CYP2C19: variants seen among roughly 807,000 people sequenced by gnomAD.
The protein encoded by CYP2C19 is cytochrome P450 family 2 subfamily C member 19, also known as cytochrome P450 2C19.
Under a neutral mutation model 40.9 loss-of-function variants are expected in CYP2C19, and 59 were observed. The observed-to-expected ratio is 1.44, with a 90% CI of 1.17 to 1.79. The LOEUF is 1.79. CYP2C19 is among the 40% of genes most tolerant of loss of function. The probability of loss-of-function intolerance (pLI) is 0.00; values close to 1 mark genes in which losing one functional copy is unlikely to be tolerated. For missense variants in CYP2C19, 754 were observed against 596.9 expected, an observed-to-expected ratio of 1.26 and a Z score of -2.74; for synonymous variants, 253 against 208.7, an observed-to-expected ratio of 1.21 and a Z score of -1.83.
intron 6 of CYP2C19, among the ~76,000 whole-genome samples, chr10:94,825,915 A>G (rs1436964976): frequency 6.6e-6 from 1 of 151,826 alleles, no homozygotes; most frequent in African/African-American, 2.4e-5. Context: ...TAAATAGGGA[A>G]TCCTTTCTCC....
At chr10:94,847,050 C>T (rs536874562) in intron 7 of CYP2C19, among the ~76,000 whole-genome samples, 1 of 151,144 alleles carries the variant, frequency 6.6e-6, no homozygotes, top group Non-Finnish European at 1.5e-5. Flanking sequence ...TCAACAGAGA[C>T]TTCAACTTTA....
At chr10:94,849,857 T>C (rs1032806499) in intron 7 of CYP2C19, 60 bp from the exon 8 acceptor site, 17 of 1,593,358 alleles carry the variant, frequency 1.1e-5, no homozygotes, top group Non-Finnish European at 1.4e-5. Flanking sequence ...TGATTACCAC[T>C]GTTTCTTAAA....
intron 6 of CYP2C19, among the ~76,000 whole-genome samples, chr10:94,827,788 C>T (rs1266350986): frequency 6.6e-6 from 1 of 152,116 alleles, no homozygotes; most frequent in Non-Finnish European, 1.5e-5. Context: ...CCTGCCTTCT[C>T]TTGTGGGCAT....
Position 94,787,917 on chromosome 10 carries a change from G to A in CYP2C19, c.819+5920G>A, listed in dbSNP as rs145366926. On this transcript the variant is annotated intron_variant, in intron 5 of 8. Coordinates refer to ENST00000371321, the MANE Select transcript of CYP2C19 (RefSeq NM_000769.4). The stretch of plus-strand genomic sequence containing the variant: ...TATTCTGTGAAAAATGACATTGGTA[G>A]TTTGATAGGAATAGCATTGAATCTG... 3.1e-3 allele frequency among the ~76,000 whole-genome samples: 477 copies of A among 152,220 alleles called. 3 individuals are homozygous for A. Among genetic ancestry groups the A allele is most frequent in the African/African-American group, 0.011 (450 of 41,550 alleles).
chr10:94,807,692 G>A (rs1848854078), intron 5 of CYP2C19, among the ~76,000 whole-genome samples: 1 of 152,002 alleles, frequency 6.6e-6, no homozygotes, highest in Non-Finnish European at 1.5e-5. Context: ...TCTCTTTTGG[G>A]AGACGCCTGT....
rs1218477069 is a variant in CYP2C19, at chr10:94,818,300, G to C, written c.820-2196G>C. Among the ~76,000 whole-genome samples, 9 of 149,848 alleles carry C rather than the reference G, an allele frequency of 6.0e-5. No homozygotes were observed. In the East Asian group the frequency reaches 1.6e-3, roughly 26 times the overall value. On this transcript the variant is annotated intron_variant, in intron 5 of 8. Coordinates refer to ENST00000371321, the MANE Select transcript of CYP2C19 (RefSeq NM_000769.4). ...CTGTTTTGGTTACTGTAGCCTTGTA[G>C]TATAGTTTGAAGTCAGGTAGTGTGA...
chr10:94,800,580 G>A (rs1848749798), intron 5 of CYP2C19, among the ~76,000 whole-genome samples: 1 of 152,214 alleles, frequency 6.6e-6, no homozygotes, highest in Admixed American at 6.5e-5. Flanking sequence ...GGATGTTTAA[G>A]TCTGCAGAAG....
chr10:94,850,836 G>A (rs1849642155), intron 8 of CYP2C19, among the ~76,000 whole-genome samples: 1 of 152,118 alleles, frequency 6.6e-6, no homozygotes, highest in Non-Finnish European at 1.5e-5. Context: ...TAAGAATGTA[G>A]CAGGATACTC....
chr10:94,797,957 A>G (rs1326861135), intron 5 of CYP2C19, among the ~76,000 whole-genome samples: 1 of 151,714 alleles, frequency 6.6e-6, no homozygotes, highest in Non-Finnish European at 1.5e-5. Context: ...GGATTCATTG[A>G]TTTTTTTAAA....
intron 6 of CYP2C19, among the ~76,000 whole-genome samples, chr10:94,825,659 TA>T (rs1258177678): frequency 8.6e-6 from 1 of 116,732 alleles, no homozygotes; most frequent in Non-Finnish European, 1.8e-5. Flanking sequence ...CTCTTTAGTT[TA>T]ATTAGATCCC....
At chr10:94,842,629 G>A (rs897114696) in intron 6 of CYP2C19, among the ~76,000 whole-genome samples, 6 of 151,908 alleles carry the variant, frequency 3.9e-5, no homozygotes, top group Admixed American at 6.6e-5. Context: ...TATGTGTACA[G>A]ATTTTTCTTA....
Position 94,852,552 on chromosome 10 carries a change from C to A in CYP2C19, c.1292-181C>A, listed in dbSNP as rs539966322. Among the ~76,000 whole-genome samples the A allele has an allele frequency of 2.6e-5, 4 of 152,306 alleles. No homozygotes were observed. In the South Asian group the frequency reaches 8.3e-4, roughly 32 times the overall value. ...CCTATCCATCCATTCATCCATTAAT[C>A]CTTCCACCCATCCATCCTTTCATTC... On this transcript the variant is annotated intron_variant, in intron 8 of 8. Transcript: ENST00000371321.
At chr10:94,842,244 ATTCT>A (rs142831041) in intron 6 of CYP2C19, among the ~76,000 whole-genome samples, 3,305 of 152,168 alleles carry the variant, frequency 0.022, 116 homozygotes, top group African/African-American at 0.074. Flanking sequence ...CAATTGTCAT[ATTCT>A]TTGTCTCTTC....
chr10:94,788,868 T>C (rs1255656523), intron 5 of CYP2C19, among the ~76,000 whole-genome samples: 2 of 152,182 alleles, frequency 1.3e-5, no homozygotes, highest in East Asian at 1.9e-4. Flanking sequence ...TACCCAGTAA[T>C]GGGATTGCTG....
At chr10:94,779,939 A>C (rs1483137343) in intron 3 of CYP2C19, among the ~76,000 whole-genome samples, 1 of 152,216 alleles carries the variant, frequency 6.6e-6, no homozygotes, top group African/African-American at 2.4e-5. Flanking sequence ...TTGACAAACT[A>C]ATCTATGTTA....
chr10:94,823,109 C>T (rs1318744528), intron 6 of CYP2C19, among the ~76,000 whole-genome samples: 6 of 152,004 alleles, frequency 3.9e-5, no homozygotes, highest in Non-Finnish European at 8.8e-5. Flanking sequence ...ACCAAAAAGT[C>T]AGAAGAGGAA....
intron 6 of CYP2C19, among the ~76,000 whole-genome samples, chr10:94,832,919 G>T (rs1481986335): frequency 6.6e-6 from 1 of 151,918 alleles, no homozygotes; most frequent in Non-Finnish European, 1.5e-5. Context: ...CATTTGTTGT[G>T]ATCTCTTAAA....
chr10:94,815,533 C>A (rs1227967331), intron 5 of CYP2C19, among the ~76,000 whole-genome samples: 1 of 152,208 alleles, frequency 6.6e-6, no homozygotes, highest in Non-Finnish European at 1.5e-5. Context: ...ACTCTCTGAA[C>A]TTCCAAATTT....
chr10:94,836,939 C>T (rs113877756), intron 6 of CYP2C19, among the ~76,000 whole-genome samples: 1 of 130,978 alleles, frequency 7.6e-6, no homozygotes, highest in East Asian at 2.4e-4. Context: ...TAGATGGGGG[C>T]TATCCTTGAA....
Sources: gnomAD v4.1 joint callset for allele counts (sites outside exome capture counted in the v4.1 genomes callset) on GRCh38, gnomAD v4.1.1 for gene constraint, MANE v1.5 for transcripts, NCBI Gene and HGNC (gene_info 2026-07-23, HGNC 2026-07-21) for gene names.